Variants in EIF4G2 observed in about 807,000 individuals in gnomAD.
EIF4G2 encodes the protein DAP-5.
Under a neutral mutation model 117.7 loss-of-function variants are expected in EIF4G2, and 8 were observed. The observed-to-expected ratio is 0.07, with a 90% CI of 0.04 to 0.12. The LOEUF (loss-of-function observed/expected upper bound fraction) is 0.12, where lower values mean the gene tolerates loss of function less well. Ranked by LOEUF, EIF4G2 falls within the 10% of genes least tolerant of loss-of-function variation. The pLI is 1.00. For missense variants in EIF4G2, 812 were observed against 1,086.2 expected, an observed-to-expected ratio of 0.75 and a Z score of 3.55; for synonymous variants, 413 against 367.8, an observed-to-expected ratio of 1.12 and a Z score of -1.41.
intron 4 of EIF4G2, 83 bp from the exon 5 acceptor site, chr11:10,805,098 T>C (rs1847526952): frequency 8.9e-7 from 1 of 1,119,306 alleles, no homozygotes; most frequent in Non-Finnish European, 1.3e-6. Context: ...TATACTGATT[T>C]TTCTTCTAAC....
chr11:10,799,771 C>T lies in EIF4G2; in HGVS notation c.2120-15G>A. On this transcript the variant is annotated splice_polypyrimidine_tract_variant and intron_variant, in intron 18 of 21. Transcript: ENST00000339995. Reference sequence around the variant, plus strand: ...CTGATCAATTTCTGAAGAGACAAAGCCACCTGCATCATCTAATAGTTCATT... The same window carrying T: ...CTGATCAATTTCTGAAGAGACAAAGTCACCTGCATCATCTAATAGTTCATT... 6.2e-7 allele frequency: 1 copy of T among 1,607,512 alleles called. No individual in the cohort carries two copies. The highest frequency in any genetic ancestry group is 1.7e-5 in the Admixed American group (1 of 58,890).
In EIF4G2 at chr11:10,803,002, T is replaced by C; in HGVS notation, c.996+28A>G. ...CTATTCTACACACACAGAGTCTATG[T>C]GACAAACAAAACAAAACCCAATCTT... On this transcript the variant is annotated intron_variant, in intron 11 of 21. Transcript: ENST00000339995. This position sits in a 1 kb window ranked among gnomAD's most constrained non-coding sequence, Gnocchi z 4.0. 1 of 1,597,752 alleles carries C rather than the reference T, an allele frequency of 6.3e-7. No individual in the cohort carries two copies. Among genetic ancestry groups the C allele is most frequent in the Non-Finnish European group, 8.5e-7 (1 of 1,169,746 alleles).
In EIF4G2 at chr11:10,797,424, G is replaced by C. The variant is rs978232618; in HGVS notation, c.*392C>G. The C allele has an allele frequency of 6.0e-6, 1 of 166,460 alleles. No individual in the cohort carries two copies. Among genetic ancestry groups the C allele is most frequent in the Non-Finnish European group, 1.3e-5 (1 of 77,050 alleles). 10.3% of individuals were successfully genotyped at this position (166,460 alleles called of 1,614,324 possible). ...ACAACCAAATGGATAATCAAATATTGCAACAACTCAAGTATTACTGAGCAA... is the reference window on the plus strand; with the variant it reads ...ACAACCAAATGGATAATCAAATATTCCAACAACTCAAGTATTACTGAGCAA... On this transcript the variant is annotated 3_prime_UTR_variant, in exon 22 of 22. Coordinates refer to ENST00000339995, the MANE Select transcript of EIF4G2 (RefSeq NM_001418.4). The surrounding 1 kb of genome is among the most constrained non-coding windows in gnomAD (Gnocchi z 4.5).
chr11:10,807,416 C>A, intron 1 of EIF4G2, 35 bp from the exon 2 acceptor site: 1 of 1,569,098 alleles, frequency 6.4e-7, no homozygotes, highest in Non-Finnish European at 8.6e-7. Flanking sequence ...TTAGACACTG[C>A]TAACATACAG....
intron 14 of EIF4G2, 148 bp from the exon 15 acceptor site, chr11:10,801,235 G>C: frequency 8.1e-7 from 1 of 1,229,092 alleles, no homozygotes; most frequent in Non-Finnish European, 1.1e-6. Context: ...ACATTAACAG[G>C]TTTAATTTTT....
intron 11 of EIF4G2, among the ~76,000 whole-genome samples, 156 bp downstream of exon 11, chr11:10,802,866 CAAAAAATA>C (rs770906727): frequency 1.2e-4 from 18 of 152,070 alleles, no homozygotes; most frequent in East Asian, 3.9e-4. Context: ...AACTCCGTCT[CAAAAAATA>C]AAAAAATAAA....
chr11:10,801,404 A>C (rs1847412372), intron 14 of EIF4G2: 1 of 646,560 alleles, frequency 1.5e-6, no homozygotes, highest in Admixed American at 2.4e-5. Context: ...AATCACCCTT[A>C]CAAAGAAAGA....
At chr11:10,806,720 T>G in intron 3 of EIF4G2, 100 bp downstream of exon 3, 2 of 1,300,104 alleles carry the variant, frequency 1.5e-6, no homozygotes, top group Non-Finnish European at 2.2e-6. Context: ...CCCCTTAAGA[T>G]TAGGAGTCTT....
intron 18 of EIF4G2, 103 bp from the exon 19 acceptor site, chr11:10,799,859 C>A (rs1847367428): frequency 3.6e-6 from 5 of 1,373,776 alleles, no homozygotes; most frequent in Middle Eastern, 1.9e-4. Flanking sequence ...TATGTAAGAT[C>A]CATGTAGCAG....
At position 10,800,077 on chromosome 11, in the gene EIF4G2, A is replaced by G. The variant is rs747481512; in HGVS notation, c.2119+13T>C. 6.2e-7 allele frequency: 1 copy of G among 1,609,260 alleles called. No individual in the cohort carries two copies. The highest frequency in any genetic ancestry group is 8.5e-7 in the Non-Finnish European group (1 of 1,178,110). ...ATTAAAAAAACAAAACAAACAAGTC[A>G]GCATTCTCTTACCTGGGAGCATTTT... is the stretch of plus-strand genomic sequence containing the variant. On this transcript the variant is annotated intron_variant, in intron 18 of 21. Coordinates refer to ENST00000339995, the MANE Select transcript of EIF4G2 (RefSeq NM_001418.4).
At chr11:10,808,567 C>T (rs1008680061) in intron 1 of EIF4G2, 138 bp downstream of exon 1, 1 of 1,009,216 alleles carries the variant, frequency 9.9e-7, no homozygotes, top group Non-Finnish European at 1.2e-6. Flanking sequence ...GTATCTGAAG[C>T]GCAGAGGAAA....
At chr11:10,800,891 GAAGAACACACT>G in intron 15 of EIF4G2, 56 bp from the exon 16 acceptor site, 1 of 1,612,274 alleles carries the variant, frequency 6.2e-7, no homozygotes. Flanking sequence ...AAATTAGGGG[GAAGAACACACT>G]AAATTTAGAA....
In EIF4G2 at chr11:10,797,504, CTA is replaced by C; in HGVS notation, c.*310_*311del. Reference sequence around the variant, plus strand: ...ATTCAGTTTTCTAACTTAAAACAGCCTATGATAACTGGCAGCAAAGAAGGTCC... The same window carrying C: ...ATTCAGTTTTCTAACTTAAAACAGCCTGATAACTGGCAGCAAAGAAGGTCC... On this transcript the variant is annotated 3_prime_UTR_variant, in exon 22 of 22. Coordinates refer to ENST00000339995, the MANE Select transcript of EIF4G2 (RefSeq NM_001418.4). This position sits in a 1 kb window ranked among gnomAD's most constrained non-coding sequence, Gnocchi z 4.5. 1 of 295,434 alleles carries C rather than the reference CTA, an allele frequency of 3.4e-6. No homozygotes were observed. The highest frequency in any genetic ancestry group is 5.2e-5 in the South Asian group (1 of 19,138). The allele number at this position is 295,434 out of a possible 1,614,324, so 18.3% of individuals were successfully genotyped here.
chr11:10,802,938 C>T, intron 11 of EIF4G2, 92 bp downstream of exon 11: 1 of 1,055,914 alleles, frequency 9.5e-7, no homozygotes. Flanking sequence ...ATGAGACAGA[C>T]CCCTCAAGCG....
rs746514160 is a variant in EIF4G2, at chr11:10,805,948, G to A, written c.207C>T (p.Asn69=). The A allele has an allele frequency of 6.0e-5, 97 of 1,613,976 alleles. No individual in the cohort carries two copies. The East Asian group carries it at 2.0e-3, about 33-fold the overall frequency. The stretch of plus-strand genomic sequence containing the variant: ...AGATTGCATCATGTCGTTCTTTTTC[G>A]TTTGCGGAGTTGTTTGCTGCGGAGT... The change falls in exon 4 of 22, where the codon AAC becomes AAT. Residue 69 remains asparagine, a synonymous_variant. Coordinates refer to ENST00000339995, the MANE Select transcript of EIF4G2 (RefSeq NM_001418.4).
chr11:10,801,907 CAG>C (rs1480653675), intron 13 of EIF4G2, 133 bp from the exon 14 acceptor site: 6 of 1,096,772 alleles, frequency 5.5e-6, no homozygotes, highest in Middle Eastern at 5.8e-4. Context: ...AAAGATGAAA[CAG>C]GGAAGAATAA....
chr11:10,806,554 T>A, intron 3 of EIF4G2: 1 of 456,270 alleles, frequency 2.2e-6, no homozygotes. Context: ...TCAGTAGGAA[T>A]AATAGCTACT....
intron 1 of EIF4G2, chr11:10,807,976 C>A: frequency 9.7e-7 from 1 of 1,032,680 alleles, no homozygotes; most frequent in Non-Finnish European, 1.2e-6. Flanking sequence ...TTCCTCCCAC[C>A]CAGGCGCAAG....
At chr11:10,801,483 T>A (rs1454069869) in intron 14 of EIF4G2, 178 bp downstream of exon 14, 3 of 769,990 alleles carry the variant, frequency 3.9e-6, no homozygotes, top group South Asian at 2.8e-5. Flanking sequence ...TCATATCTCA[T>A]AATCTTCGCT....
Sources: gnomAD v4.1 joint callset for allele counts (sites outside exome capture counted in the v4.1 genomes callset) on GRCh38, gnomAD v4.1.1 for gene constraint, Gnocchi (gnomAD v3.1) non-coding constraint, MANE v1.5 for transcripts, NCBI Gene and HGNC (gene_info 2026-07-23, HGNC 2026-07-21) for gene names.